The following NCLN variants were observed in gnomAD, a reference collection of about 807,000 sequenced individuals.
The protein encoded by NCLN is BOS complex subunit NCLN.
In NCLN, 34 loss-of-function variants were observed where a neutral mutation model predicts 69.5. The ratio of observed to expected loss-of-function variants is 0.49; its 90% CI spans 0.37 to 0.65. The LOEUF is 0.65. NCLN is among the 30% of genes least tolerant of loss of function. The pLI is 0.00. For synonymous variants in NCLN, 393 were observed against 358.3 expected, an observed-to-expected ratio of 1.10 and a Z score of -1.09; for missense variants, 710 against 804.8, an observed-to-expected ratio of 0.88 and a Z score of 1.42.
At chr19:3,194,392 A>G (rs1599351693) in intron 3 of NCLN, among the ~76,000 whole-genome samples, 1 of 152,302 alleles carries the variant, frequency 6.6e-6, no homozygotes, top group Non-Finnish European at 1.5e-5. Context: ...TCAAAAAAAA[A>G]AAGTTTCATC....
At chr19:3,193,193 G>A (rs1202190137) in intron 2 of NCLN, 91 bp from the exon 3 acceptor site, 7 of 1,286,584 alleles carry the variant, frequency 5.4e-6, no homozygotes, top group African/African-American at 1.5e-5. Flanking sequence ...TGGGCCCCCT[G>A]CTACCCCCAC....
intron 1 of NCLN, 27 bp downstream of exon 1, chr19:3,186,241 G>A (rs768530490): frequency 8.2e-5 from 117 of 1,428,842 alleles, no homozygotes; most frequent in Non-Finnish European, 1.0e-4. Flanking sequence ...CACCCTCGGG[G>A]CTCCCCGGGC....
intron 6 of NCLN, among the ~76,000 whole-genome samples, 172 bp from the exon 7 acceptor site, chr19:3,203,584 A>G (rs1353489430): frequency 6.6e-6 from 1 of 152,202 alleles, no homozygotes. Context: ...AGAACCATCC[A>G]GCCCCAGTGT....
At chr19:3,187,620 G>T (rs896513751) in intron 1 of NCLN, among the ~76,000 whole-genome samples, 2 of 152,182 alleles carry the variant, frequency 1.3e-5, no homozygotes, top group African/African-American at 4.8e-5. Flanking sequence ...TGATGTCTGG[G>T]GACATCTGTG....
In NCLN at chr19:3,207,682, A is replaced by G. The variant is rs369832556; in HGVS notation, c.1686A>G (p.Thr562=). Residue 562 remains threonine (T), a synonymous_variant, in exon 15 of 15, where the codon ACA becomes ACG. Coordinates refer to ENST00000246117, the MANE Select transcript of NCLN (RefSeq NM_020170.4). The stretch of plus-strand genomic sequence containing the variant: ...AGAGGCTGCTCGTGAAGGCCAAGAC[A>G]CAGTGACACAGCCACCCCCACAGCC... ...TVQRLLVKAK[T]Q is the part of the protein sequence containing the mutation. The G allele has an allele frequency of 9.9e-6, 16 of 1,612,224 alleles. No individual in the cohort carries two copies. Among genetic ancestry groups the G allele is most frequent in the Non-Finnish European group, 1.4e-5 (16 of 1,179,524 alleles).
intron 2 of NCLN, 144 bp from the exon 3 acceptor site, chr19:3,193,140 G>T: frequency 1.3e-6 from 1 of 748,122 alleles, no homozygotes; most frequent in Non-Finnish European, 2.1e-6. Context: ...GCCCTCCAGG[G>T]ACAGTCACTG....
chr19:3,201,560 T>G lies in NCLN; in HGVS notation c.734T>G (p.Val245Gly). The G allele has an allele frequency of 6.4e-7, 1 of 1,568,474 alleles. No individual in the cohort carries two copies. Among genetic ancestry groups the G allele is most frequent in the Non-Finnish European group, 8.6e-7 (1 of 1,164,124 alleles). The change falls in exon 6 of 15, where the codon GTC becomes GGC. Residue 245 changes from valine (V) to glycine (G), a missense_variant. Coordinates refer to ENST00000246117, the MANE Select transcript of NCLN (RefSeq NM_020170.4). ...SLGADSNGSG[V>G]SVLLELARLF... ...GGCGCGGACTCCAACGGGAGCGGCG[T>G]CTCTGTGCTGCTGGAGCTGGCACGC...
At chr19:3,186,645 C>T (rs1357058213) in intron 1 of NCLN, among the ~76,000 whole-genome samples, 1 of 152,242 alleles carries the variant, frequency 6.6e-6, no homozygotes, top group African/African-American at 2.4e-5. Flanking sequence ...ACCTCCAGCT[C>T]CCAGGGTCCT....
At chr19:3,188,887 T>C (rs1568308917) in intron 1 of NCLN, among the ~76,000 whole-genome samples, 1 of 152,182 alleles carries the variant, frequency 6.6e-6, no homozygotes, top group Non-Finnish European at 1.5e-5. Flanking sequence ...TGGCCGCCCC[T>C]GAGAGACTGG....
Position 3,198,827 on chromosome 19 carries a change from C to G in NCLN, c.626C>G (p.Thr209Arg). 1.3e-6 allele frequency: 2 copies of G among 1,576,218 alleles called. No individual in the cohort carries two copies. Among genetic ancestry groups the G allele is most frequent in the Non-Finnish European group, 1.7e-6 (2 of 1,162,214 alleles). Residue 209 changes from threonine (T) to arginine (R), a missense_variant, in exon 5 of 15, where the codon ACG (threonine) becomes AGG (arginine). Transcript: ENST00000246117. ...WLIASVEGRL[T>R]GLGGEDLPTI... ...GCTCTCTATCCACAGGGGCGGCTGA[C>G]GGGGCTGGGCGGAGAGGACCTTCCC...
At chr19:3,194,143 G>C (rs1915900196) in intron 3 of NCLN, among the ~76,000 whole-genome samples, 1 of 152,344 alleles carries the variant, frequency 6.6e-6, no homozygotes, top group East Asian at 1.9e-4. Context: ...AGTAAAGGAG[G>C]CTGAGGCGGG....
chr19:3,187,385 C>T (rs1287064005), intron 1 of NCLN, among the ~76,000 whole-genome samples: 1 of 152,152 alleles, frequency 6.6e-6, no homozygotes, highest in Admixed American at 6.5e-5. Context: ...GAGTCCCGTC[C>T]GCTTGTTCTC....
intron 1 of NCLN, among the ~76,000 whole-genome samples, chr19:3,189,833 G>C (rs1021827720): frequency 2.0e-5 from 3 of 152,352 alleles, no homozygotes; most frequent in Non-Finnish European, 2.9e-5. Context: ...CCGAGCGAGC[G>C]GGGGCTGGGA....
chr19:3,186,601 G>A (rs1915677589), intron 1 of NCLN, among the ~76,000 whole-genome samples: 1 of 152,152 alleles, frequency 6.6e-6, no homozygotes, highest in Non-Finnish European at 1.5e-5. Flanking sequence ...AGGCTTCCTG[G>A]TCCGGGCTCA....
chr19:3,192,621 G>A lies in NCLN; in HGVS notation c.336G>A (p.Leu112=), dbSNP rs752143218. The change falls in exon 2 of 15, where the codon CTG becomes CTA. Residue 112 remains leucine, a synonymous_variant. Coordinates refer to ENST00000246117, the MANE Select transcript of NCLN (RefSeq NM_020170.4). ...RQSAGAVVII[L]PRAMAAVPQD... is the part of the protein sequence containing the mutation. ...CGGCGGGCGCCGTGGTCATCATCCT[G>A]CCCAGGGCCATGGCCGCCGTGCCCC... 6 of 1,587,634 alleles carry A rather than the reference G, an allele frequency of 3.8e-6. No homozygotes were observed. The African/African-American group carries it at 8.1e-5, about 22-fold the overall frequency.
chr19:3,186,567 C>T (rs1373250756), intron 1 of NCLN, among the ~76,000 whole-genome samples: 11 of 152,340 alleles, frequency 7.2e-5, no homozygotes, highest in Admixed American at 1.3e-4. Context: ...CGAGTTTCTC[C>T]CTCCTGGGCC....
chr19:3,194,807 G>C (rs538202883), intron 3 of NCLN, among the ~76,000 whole-genome samples: 1 of 147,126 alleles, frequency 6.8e-6, no homozygotes, highest in East Asian at 2.2e-4. Flanking sequence ...CTGGAGTGCA[G>C]TGGCACAATC....
chr19:3,188,129 G>A (rs573104), intron 1 of NCLN, among the ~76,000 whole-genome samples: 44,248 of 151,880 alleles, frequency 0.29, 6,541 homozygotes, highest in East Asian at 0.35. Context: ...CCTAGAGCTC[G>A]AGATACCCTG....
At chr19:3,197,440 CTTGT>C (rs1297940858) in intron 4 of NCLN, among the ~76,000 whole-genome samples, 2 of 152,150 alleles carry the variant, frequency 1.3e-5, no homozygotes, top group African/African-American at 4.8e-5. Context: ...AAAGTTTTTG[CTTGT>C]TTGTTTTTGT....
Sources: allele counts gnomAD v4.1 joint callset (sites outside exome capture counted in the v4.1 genomes callset), GRCh38; gene constraint gnomAD v4.1.1; transcripts MANE v1.5; gene names NCBI Gene and HGNC (gene_info 2026-07-23, HGNC 2026-07-21).